Variants in GAB2 observed in about 807,000 individuals in gnomAD.
GAB2 encodes GRB2 associated binding protein 2, also known as GRB2-associated-binding protein 2.
A neutral mutation model predicts 65.5 loss-of-function variants in GAB2; 26 were observed. The ratio of observed to expected loss-of-function variants is 0.40; its 90% CI spans 0.29 to 0.55. The LOEUF (loss-of-function observed/expected upper bound fraction) is 0.55. Ranked by LOEUF, GAB2 falls within the 20% of genes least tolerant of loss-of-function variation. The probability of loss-of-function intolerance (pLI) is 0.53; values close to 1 mark genes in which losing one functional copy is unlikely to be tolerated. For synonymous variants in GAB2, 321 were observed against 329.6 expected (o/e 0.97, Z 0.28); for missense variants, 884 against 875.8 (o/e 1.01, Z -0.12).
chr11:78,269,042 T>C (rs1486142300), intron 2 of GAB2, among the ~76,000 whole-genome samples: 3 of 152,144 alleles, frequency 2.0e-5, no homozygotes, highest in Non-Finnish European at 4.4e-5. Flanking sequence ...TTCTTTCTTT[T>C]TTTTTTAAAG....
At chr11:78,370,656 A>G (rs1182419474) in intron 1 of GAB2, among the ~76,000 whole-genome samples, 1 of 151,964 alleles carries the variant, frequency 6.6e-6, no homozygotes, top group Non-Finnish European at 1.5e-5. Context: ...ACAACTGCTC[A>G]TTTAGAAGGT....
At chr11:78,325,394 G>A (rs1419488757) in intron 1 of GAB2, among the ~76,000 whole-genome samples, 1 of 152,206 alleles carries the variant, frequency 6.6e-6, no homozygotes, top group Non-Finnish European at 1.5e-5. Context: ...TGAAGCCACA[G>A]AATTAATTAG....
intron 3 of GAB2, among the ~76,000 whole-genome samples, chr11:78,235,276 C>G (rs1300439564): frequency 1.3e-5 from 2 of 151,828 alleles, no homozygotes; most frequent in Non-Finnish European, 2.9e-5. Context: ...CCTCAGTCTC[C>G]CGAGTAGCTG....
At chr11:78,359,235 C>A (rs985688547) in intron 1 of GAB2, among the ~76,000 whole-genome samples, 3 of 152,040 alleles carry the variant, frequency 2.0e-5, no homozygotes, top group African/African-American at 7.2e-5. Flanking sequence ...AATACCAAAC[C>A]GCATATCCAG....
intron 2 of GAB2, among the ~76,000 whole-genome samples, chr11:78,264,641 C>G (rs1435702715): frequency 6.6e-6 from 1 of 151,792 alleles, no homozygotes; most frequent in East Asian, 1.9e-4. Context: ...TCCTGACCCT[C>G]AGGTGGTTTA....
chr11:78,340,659 G>T (rs73500927), intron 1 of GAB2, among the ~76,000 whole-genome samples: 1 of 151,318 alleles, frequency 6.6e-6, no homozygotes, highest in Non-Finnish European at 1.5e-5. Context: ...TAGTAAGACT[G>T]GGGGAAGAGA....
At chr11:78,317,885 T>C (rs1855643533) in intron 1 of GAB2, among the ~76,000 whole-genome samples, 1 of 152,162 alleles carries the variant, frequency 6.6e-6, no homozygotes, top group Non-Finnish European at 1.5e-5. Flanking sequence ...AAGATTAAAC[T>C]ACATTACATT....
At chr11:78,368,782 T>TAA (rs1856530301) in intron 1 of GAB2, among the ~76,000 whole-genome samples, 1 of 151,920 alleles carries the variant, frequency 6.6e-6, no homozygotes, top group Admixed American at 6.6e-5. Flanking sequence ...AAAGCATCTT[T>TAA]AAAGTCAGAT....
chr11:78,290,503 G>T (rs1866633254), intron 1 of GAB2, among the ~76,000 whole-genome samples: 1 of 152,152 alleles, frequency 6.6e-6, no homozygotes, highest in Non-Finnish European at 1.5e-5. Flanking sequence ...TAGATCTCAA[G>T]GTCTTCAAGC....
Position 78,217,404 on chromosome 11 carries a change from A to C in GAB2, c.*1868T>G, listed in dbSNP as rs1450614949. The C allele has an allele frequency of 1.3e-5, 2 of 152,226 alleles. No homozygotes were observed. Among genetic ancestry groups the C allele is most frequent in the Non-Finnish European group, 2.9e-5 (2 of 68,066 alleles). The allele number at this position is 152,226 out of a possible 1,614,324, so 9.4% of individuals were successfully genotyped here. A position where few individuals can be genotyped will look rare whatever the true frequency, so the allele number is the denominator to read the frequency against. ...GGAGGAGAGGTGCAGCTCTTGAAGA[A>C]ATAACTTCTTCCAGGATGGGACTTA... is the stretch of plus-strand genomic sequence containing the variant. On this transcript the variant is annotated 3_prime_UTR_variant, in exon 10 of 10. Coordinates refer to ENST00000361507, the MANE Select transcript of GAB2 (RefSeq NM_080491.3).
At chr11:78,363,483 A>T (rs969477552) in intron 1 of GAB2, among the ~76,000 whole-genome samples, 1 of 152,228 alleles carries the variant, frequency 6.6e-6, no homozygotes, top group Admixed American at 6.5e-5. Context: ...AGCACCTATT[A>T]CATACCAGGT....
intron 3 of GAB2, among the ~76,000 whole-genome samples, chr11:78,245,076 T>G (rs1296910047): frequency 6.6e-6 from 1 of 152,122 alleles, no homozygotes; most frequent in Non-Finnish European, 1.5e-5. Context: ...GAAAATGTAG[T>G]ATGAGTCCAT....
chr11:78,383,259 C>A (rs1856720368), intron 1 of GAB2, among the ~76,000 whole-genome samples: 1 of 151,784 alleles, frequency 6.6e-6, no homozygotes, highest in Middle Eastern at 3.2e-3. Flanking sequence ...GCAACAAGAG[C>A]AAAACTCCGT....
intron 1 of GAB2, among the ~76,000 whole-genome samples, chr11:78,319,273 C>A (rs1396646887): frequency 6.6e-6 from 1 of 152,170 alleles, no homozygotes; most frequent in African/African-American, 2.4e-5. Flanking sequence ...AAAACAGACA[C>A]CCTTGCATGT....
chr11:78,366,054 A>G (rs1856493009), intron 1 of GAB2, among the ~76,000 whole-genome samples: 1 of 152,234 alleles, frequency 6.6e-6, no homozygotes, highest in Admixed American at 6.5e-5. Context: ...AAGACAATGA[A>G]TATACATATG....
intron 5 of GAB2, among the ~76,000 whole-genome samples, chr11:78,224,611 G>A (rs926176318): frequency 6.6e-6 from 1 of 152,156 alleles, no homozygotes; most frequent in Admixed American, 6.5e-5. Flanking sequence ...TCTTTTCAGT[G>A]GGCCTGAAGC....
At chr11:78,382,526 C>T (rs1007927227) in intron 1 of GAB2, among the ~76,000 whole-genome samples, 4 of 151,792 alleles carry the variant, frequency 2.6e-5, no homozygotes, top group African/African-American at 9.7e-5. Flanking sequence ...TGCTTTTTTT[C>T]CTAGTGTAAA....
intron 1 of GAB2, among the ~76,000 whole-genome samples, chr11:78,372,873 T>G (rs1349047027): frequency 6.6e-6 from 1 of 152,168 alleles, no homozygotes. Context: ...CCCTTTCCCC[T>G]TTATCTTAAA....
At chr11:78,277,667 T>C (rs1866213348) in intron 2 of GAB2, among the ~76,000 whole-genome samples, 1 of 152,240 alleles carries the variant, frequency 6.6e-6, no homozygotes, top group Admixed American at 6.5e-5. Context: ...ACACTGTGCA[T>C]GCAGCCCCTC....
Sources: gnomAD v4.1 joint callset for allele counts (sites outside exome capture counted in the v4.1 genomes callset) on GRCh38, gnomAD v4.1.1 for gene constraint, MANE v1.5 for transcripts, NCBI Gene and HGNC (gene_info 2026-07-23, HGNC 2026-07-21) for gene names.